NRG3: variants seen among roughly 807,000 people sequenced by gnomAD.
NRG3 encodes the protein pro-neuregulin-3, membrane-bound isoform.
NRG3 carries 31 observed loss-of-function variants against 66.9 expected under a neutral mutation model. That is an observed-to-expected ratio of 0.46 (90% CI 0.35 to 0.63). The LOEUF is 0.63. Ranked by LOEUF, NRG3 falls within the 20% of genes least tolerant of loss-of-function variation. NRG3 has a pLI of 0.00. For missense variants in NRG3, 910 were observed against 878.9 expected, an observed-to-expected ratio of 1.04 and a Z score of -0.45; for synonymous variants, 393 against 359.4, an observed-to-expected ratio of 1.09 and a Z score of -1.06.
chr10:82,585,930 T>C (rs2046643521), intron 2 of NRG3, among the ~76,000 whole-genome samples: 2 of 152,218 alleles, frequency 1.3e-5, no homozygotes, highest in African/African-American at 4.8e-5. Context: ...ATAGGATTAC[T>C]TAAAAACTGC....
At chr10:81,956,758 C>T (rs1849872115) in intron 1 of NRG3, among the ~76,000 whole-genome samples, 1 of 152,104 alleles carries the variant, frequency 6.6e-6, no homozygotes, top group African/African-American at 2.4e-5. Context: ...AAGATCAAGT[C>T]CCTATTTTAC....
intron 2 of NRG3, among the ~76,000 whole-genome samples, chr10:82,448,118 G>A (rs1240815148): frequency 1.3e-5 from 2 of 152,188 alleles, no homozygotes; most frequent in Admixed American, 6.5e-5. Flanking sequence ...CAGTGCTGCG[G>A]ATAATTTCCA....
intron 4 of NRG3, among the ~76,000 whole-genome samples, chr10:82,875,721 G>C (rs534796522): frequency 2.0e-5 from 3 of 152,114 alleles, no homozygotes; most frequent in African/African-American, 7.2e-5. Context: ...CAGTACATGC[G>C]CTGTTAATCA....
rs188402410 is a variant in NRG3, at chr10:82,798,853, C to T, written c.1027+60203C>T. Among the ~76,000 whole-genome samples the T allele has an allele frequency of 4.6e-5, 7 of 152,224 alleles. No homozygotes were observed. The East Asian group carries it at 1.4e-3, about 30-fold the overall frequency. ...ATCAACTTGATTTTTACTCACATTT[C>T]CCACTCCTACATCCTTATCTCGGAC... On this transcript the variant is annotated intron_variant, in intron 3 of 8. Coordinates refer to ENST00000372141, the MANE Select transcript of NRG3 (RefSeq NM_001010848.4).
intron 2 of NRG3, among the ~76,000 whole-genome samples, chr10:82,361,660 G>T (rs1346629365): frequency 6.6e-6 from 1 of 152,102 alleles, no homozygotes; most frequent in African/African-American, 2.4e-5. Context: ...ACAGTGCTTT[G>T]TAATGTGTTT....
At chr10:82,101,486 T>G (rs907679966) in intron 1 of NRG3, among the ~76,000 whole-genome samples, 2 of 151,894 alleles carry the variant, frequency 1.3e-5, no homozygotes, top group South Asian at 2.1e-4. Context: ...GTAAATTTTC[T>G]GCAAATATTA....
intron 2 of NRG3, among the ~76,000 whole-genome samples, chr10:82,479,899 C>T (rs1842113365): frequency 6.6e-6 from 1 of 152,112 alleles, no homozygotes; most frequent in African/African-American, 2.4e-5. Flanking sequence ...ACCTGGAGCG[C>T]GGAGTTTGCA....
chr10:81,877,740 G>A lies in NRG3; in HGVS notation c.823+1577G>A, dbSNP rs888360587. 5.1e-6 allele frequency: 7 copies of A among 1,366,172 alleles called. No homozygotes were observed. The African/African-American group carries it at 1.1e-4, about 21-fold the overall frequency. 84.6% of individuals were successfully genotyped at this position (1,366,172 alleles called of 1,614,324 possible). On this transcript the variant is annotated intron_variant, in intron 1 of 8. Coordinates refer to ENST00000372141, the MANE Select transcript of NRG3 (RefSeq NM_001010848.4). Reference sequence around the variant, plus strand: ...ACAAACCAGAATGGCAGTAGAGCCAGTAACTTGCTGCTTCTCTCTCCTTTG... The same window carrying A: ...ACAAACCAGAATGGCAGTAGAGCCAATAACTTGCTGCTTCTCTCTCCTTTG...
At chr10:82,681,578 C>A (rs1293753930) in intron 2 of NRG3, among the ~76,000 whole-genome samples, 1 of 152,132 alleles carries the variant, frequency 6.6e-6, no homozygotes, top group Non-Finnish European at 1.5e-5. Flanking sequence ...TAATATTCTC[C>A]TGAAGTAAAT....
intron 2 of NRG3, among the ~76,000 whole-genome samples, chr10:82,639,868 C>T: frequency 6.6e-6 from 1 of 151,980 alleles, no homozygotes; most frequent in Non-Finnish European, 1.5e-5. Context: ...ATTTCATCAC[C>T]CAGGTATTAA....
intron 2 of NRG3, among the ~76,000 whole-genome samples, chr10:82,461,787 T>C (rs1281476472): frequency 6.6e-6 from 1 of 152,170 alleles, no homozygotes. Flanking sequence ...TCTGAAGCAG[T>C]ATTCAAATGT....
chr10:82,073,388 A>G (rs2064914948), intron 1 of NRG3, among the ~76,000 whole-genome samples: 3 of 152,226 alleles, frequency 2.0e-5, no homozygotes, highest in Admixed American at 1.3e-4. Context: ...ATCAGGGTAT[A>G]GAAATATAAC....
At chr10:82,372,424 TAGAGA>T (rs2135747058) in intron 2 of NRG3, among the ~76,000 whole-genome samples, 1 of 152,348 alleles carries the variant, frequency 6.6e-6, no homozygotes, top group South Asian at 2.1e-4. Context: ...ATGGAAAGTA[TAGAGA>T]AGAGTGCGAT....
chr10:82,662,612 G>A (rs1164698289), intron 2 of NRG3, among the ~76,000 whole-genome samples: 1 of 152,100 alleles, frequency 6.6e-6, no homozygotes, highest in Non-Finnish European at 1.5e-5. Context: ...ACAGAGCAAG[G>A]GAATGGATAT....
chr10:82,186,015 A>G (rs2073782506), intron 1 of NRG3, among the ~76,000 whole-genome samples: 1 of 152,188 alleles, frequency 6.6e-6, no homozygotes, highest in Non-Finnish European at 1.5e-5. Context: ...TTCTGATTCT[A>G]GTTAATCAAT....
intron 2 of NRG3, among the ~76,000 whole-genome samples, chr10:82,374,621 T>TG (rs1311823419): frequency 1.3e-5 from 2 of 152,110 alleles, no homozygotes; most frequent in Non-Finnish European, 2.9e-5. Flanking sequence ...TACGGTACAG[T>TG]GGTAGGTCTG....
chr10:82,814,905 T>TA (rs2061641651), intron 3 of NRG3, among the ~76,000 whole-genome samples: 1 of 152,174 alleles, frequency 6.6e-6, no homozygotes, highest in African/African-American at 2.4e-5. Flanking sequence ...CCTGAGACTG[T>TA]ATCCATTTTA....
intron 1 of NRG3, among the ~76,000 whole-genome samples, chr10:82,214,412 T>C (rs531467906): frequency 6.6e-6 from 1 of 152,256 alleles, no homozygotes; most frequent in South Asian, 2.1e-4. Context: ...GACCACCTGA[T>C]ATGGTGAGGA....
At chr10:82,953,835 G>A (rs560341885) in intron 5 of NRG3, among the ~76,000 whole-genome samples, 39 of 151,768 alleles carry the variant, frequency 2.6e-4, no homozygotes, top group Non-Finnish European at 4.9e-4. Flanking sequence ...GTGAGCACCT[G>A]TAATCTCAGC....
Sources: allele counts gnomAD v4.1 joint callset (sites outside exome capture counted in the v4.1 genomes callset), GRCh38; gene constraint gnomAD v4.1.1; transcripts MANE v1.5; gene names NCBI Gene and HGNC (gene_info 2026-07-23, HGNC 2026-07-21).